PCYOX1: variants seen among roughly 807,000 people sequenced by gnomAD.
PCYOX1 encodes the protein prenylcysteine lyase.
A neutral mutation model predicts 46.4 loss-of-function variants in PCYOX1; 46 were observed. That is an observed-to-expected ratio of 0.99 (90% CI 0.78 to 1.27). PCYOX1 has a LOEUF of 1.27. Among genes scored for constraint, PCYOX1 ranks in the 50% most tolerant of loss-of-function variants. The pLI is 0.00. For synonymous variants in PCYOX1, 220 were observed against 231.8 expected, an observed-to-expected ratio of 0.95 and a Z score of 0.46; for missense variants, 658 against 628.3, an observed-to-expected ratio of 1.05 and a Z score of -0.51.
At chr2:70,274,635 T>A (rs1573983295) in intron 3 of PCYOX1, 1 of 284,738 alleles carries the variant, frequency 3.5e-6, no homozygotes, top group East Asian at 7.5e-5. Context: ...ATTATCACAG[T>A]TCACTGCGGC....
At chr2:70,267,074 G>A (rs1645568328) in intron 3 of PCYOX1, among the ~76,000 whole-genome samples, 1 of 151,814 alleles carries the variant, frequency 6.6e-6, no homozygotes. Flanking sequence ...TTCTCAGAGA[G>A]GGCGGCTGGT....
At chr2:70,267,161 C>A (rs561763864) in intron 3 of PCYOX1, among the ~76,000 whole-genome samples, 1 of 150,992 alleles carries the variant, frequency 6.6e-6, no homozygotes, top group Non-Finnish European at 1.5e-5. Flanking sequence ...GCGTCGCGGC[C>A]GGGCAGAGGC....
Position 70,277,364 on chromosome 2 carries a change from T to C in PCYOX1, c.1490T>C (p.Leu497Ser), listed in dbSNP as rs1234180289. Residue 497 changes from leucine to serine, a missense_variant, in exon 6 of 6, where the codon TTA (leucine) becomes TCA (serine). Transcript: ENST00000433351. ...ACAGACATGATTGATCAGGATGGCT[T>C]ATATGAGAAACTTAAAACTGAACTA... ...GHTDMIDQDG[L>S]YEKLKTEL is the part of the protein sequence containing the mutation. The C allele has an allele frequency of 6.2e-7, 1 of 1,601,358 alleles. No homozygotes were observed. Among genetic ancestry groups the C allele is most frequent in the Admixed American group, 1.7e-5 (1 of 59,298 alleles).
At chr2:70,276,606 A>G (rs1696675506) in intron 5 of PCYOX1, 128 bp from the exon 6 acceptor site, 2 of 592,482 alleles carry the variant, frequency 3.4e-6, no homozygotes, top group East Asian at 3.0e-5. Flanking sequence ...GCAAGGGACA[A>G]CTATCTTAAG....
chr2:70,270,786 T>C (rs1696591047), intron 3 of PCYOX1, among the ~76,000 whole-genome samples: 1 of 152,208 alleles, frequency 6.6e-6, no homozygotes, highest in Non-Finnish European at 1.5e-5. Flanking sequence ...TTTTTTTCTT[T>C]TGAGATGGAG....
rs1363880943 is a variant in PCYOX1, at chr2:70,269,225, A to G, written c.495-5734A>G. Among the ~76,000 whole-genome samples the G allele has an allele frequency of 6.9e-5, 10 of 145,312 alleles. No homozygotes were observed. The East Asian group carries it at 1.6e-3, about 24-fold the overall frequency. On this transcript the variant is annotated intron_variant, in intron 3 of 5. Transcript: ENST00000433351. ...GATGTTTTACTCTGTTGCCCAGGCT[A>G]GAGTGTAGTATGTTCACAGCAACCT...
intron 3 of PCYOX1, among the ~76,000 whole-genome samples, chr2:70,266,475 G>A (rs907640566): frequency 6.8e-6 from 1 of 146,512 alleles, no homozygotes; most frequent in Non-Finnish European, 1.5e-5. Flanking sequence ...TTTTTTTTTT[G>A]TTAGTATTTA....
At chr2:70,258,438 T>G in intron 1 of PCYOX1, 162 bp downstream of exon 1, 1 of 538,362 alleles carries the variant, frequency 1.9e-6, no homozygotes, top group South Asian at 2.3e-5. Flanking sequence ...TCAGGGCGGC[T>G]TTCAGCTCTG....
intron 3 of PCYOX1, among the ~76,000 whole-genome samples, chr2:70,267,758 C>T (rs1368650889): frequency 4.2e-5 from 6 of 143,940 alleles, no homozygotes; most frequent in Admixed American, 1.4e-4. Context: ...AGCCTTGGCT[C>T]GGCATCAGAG....
chr2:70,274,316 G>A (rs1201197593), intron 3 of PCYOX1, among the ~76,000 whole-genome samples: 1 of 150,012 alleles, frequency 6.7e-6, no homozygotes, highest in Admixed American at 6.7e-5. Context: ...TCCTGCCTCA[G>A]CCTCCTGAAT....
At position 70,280,257 on chromosome 2, in the gene PCYOX1, A is replaced by T. The variant is rs912824025; in HGVS notation, c.*2865A>T. 2 of 152,134 alleles carry T rather than the reference A, an allele frequency of 1.3e-5. No homozygotes were observed. Among genetic ancestry groups the T allele is most frequent in the Non-Finnish European group, 2.9e-5 (2 of 68,036 alleles). The allele number at this position is 152,134 out of a possible 1,614,324, so 9.4% of individuals were successfully genotyped here. A position where few individuals can be genotyped will look rare whatever the true frequency, so the allele number is the denominator to read the frequency against. ...TTGAGTGCTTTTTTACTGGGAGAAA[A>T]ATCCTAGCAGAACCTGCTACTCTGG... is the stretch of plus-strand genomic sequence containing the variant. On this transcript the variant is annotated 3_prime_UTR_variant, in exon 6 of 6. Transcript: ENST00000433351.
chr2:70,259,513 G>T lies in PCYOX1; in HGVS notation c.266G>T (p.Gly89Val). The T allele has an allele frequency of 1.2e-6, 2 of 1,614,074 alleles. No homozygotes were observed. Residue 89 changes from glycine to valine, a missense_variant, in exon 2 of 6, where the codon GGT becomes GTT. Transcript: ENST00000433351. The stretch of plus-strand genomic sequence containing the variant: ...CAGGGGCAAGAATACGAGGCAGGAG[G>T]TTCTGTCATCCATCCTTTAAATCTG... ...MVQGQEYEAG[G>V]SVIHPLNLHM... is the part of the protein sequence containing the mutation.
chr2:70,265,922 C>T (rs552963974), intron 3 of PCYOX1, among the ~76,000 whole-genome samples: 1 of 152,266 alleles, frequency 6.6e-6, no homozygotes, highest in African/African-American at 2.4e-5. Flanking sequence ...CAAACCCACT[C>T]TATCTTGAAT....
At position 70,273,239 on chromosome 2, in the gene PCYOX1, T is replaced by C. The variant is rs778051128; in HGVS notation, c.495-1720T>C. Among the ~76,000 whole-genome samples, 9 of 152,316 alleles carry C rather than the reference T, an allele frequency of 5.9e-5. No individual in the cohort carries two copies. In the South Asian group the frequency reaches 1.9e-3, roughly 32 times the overall value. ...CCATTAGCCAAAGATCACTCTTCTT[T>C]GGATATGAGATATCCAGGCTATTAT... On this transcript the variant is annotated intron_variant, in intron 3 of 5. Coordinates refer to ENST00000433351, the MANE Select transcript of PCYOX1 (RefSeq NM_016297.4).
chr2:70,261,185 A>T (rs762507289), intron 2 of PCYOX1, 27 bp from the exon 3 acceptor site: 1 of 1,549,118 alleles, frequency 6.5e-7, no homozygotes, highest in Admixed American at 1.7e-5. Context: ...GACACCACTG[A>T]CTTAGCTGTG....
intron 3 of PCYOX1, among the ~76,000 whole-genome samples, chr2:70,267,935 C>T (rs1021200653): frequency 3.4e-4 from 52 of 152,188 alleles, no homozygotes; most frequent in African/African-American, 1.1e-3. Context: ...CTCAGCCTCC[C>T]GAGTAGTTGG....
intron 5 of PCYOX1, 87 bp downstream of exon 5, chr2:70,275,753 T>A (rs1301966632): frequency 8.0e-7 from 1 of 1,243,318 alleles, no homozygotes; most frequent in Non-Finnish European, 1.2e-6. Context: ...CATCTCTTAC[T>A]CAGTTCTAAA....
At chr2:70,267,343 G>A (rs1002046652) in intron 3 of PCYOX1, among the ~76,000 whole-genome samples, 2 of 151,942 alleles carry the variant, frequency 1.3e-5, no homozygotes, top group African/African-American at 4.8e-5. Flanking sequence ...CATCCCAGAC[G>A]ATGGGCGGCC....
chr2:70,275,398 C>T, intron 4 of PCYOX1, 116 bp from the exon 5 acceptor site: 1 of 1,114,382 alleles, frequency 9.0e-7, no homozygotes, highest in Non-Finnish European at 1.3e-6. Context: ...CTCCCAGGGG[C>T]CATTTAGCAA....
Sources: allele counts gnomAD v4.1 joint callset (sites outside exome capture counted in the v4.1 genomes callset), GRCh38; gene constraint gnomAD v4.1.1; transcripts MANE v1.5; gene names NCBI Gene and HGNC (gene_info 2026-07-23, HGNC 2026-07-21).